KIAA1549L: variants seen among roughly 807,000 people sequenced by gnomAD.
KIAA1549L encodes the protein UPF0606 protein KIAA1549L.
A neutral mutation model predicts 160.7 loss-of-function variants in KIAA1549L; 88 were observed. The ratio of observed to expected loss-of-function variants is 0.55; its 90% confidence interval spans 0.46 to 0.65. The LOEUF (loss-of-function observed/expected upper bound fraction) is 0.65. Ranked by LOEUF, KIAA1549L falls within the 30% of genes least tolerant of loss-of-function variation. The pLI, the probability that KIAA1549L is intolerant of heterozygous loss-of-function variation, is 0.00. For synonymous variants in KIAA1549L, 950 were observed against 976.7 expected (o/e 0.97, Z 0.51); for missense variants, 2,258 against 2,437.5 (o/e 0.93, Z 1.55).
intron 1 of KIAA1549L, among the ~76,000 whole-genome samples, chr11:33,538,205 C>T (rs1010679948): frequency 6.6e-5 from 10 of 152,164 alleles, no homozygotes; most frequent in African/African-American, 9.6e-5. Context: ...CTGAGAACAG[C>T]GTGGAGGAAA....
At chr11:33,568,699 C>T (rs1855140958) in intron 9 of KIAA1549L, among the ~76,000 whole-genome samples, 1 of 152,182 alleles carries the variant, frequency 6.6e-6, no homozygotes, top group African/African-American at 2.4e-5. Flanking sequence ...ACCCTCCAAG[C>T]TTATAGTGGA....
chr11:33,618,086 G>A (rs1235727916), intron 15 of KIAA1549L, among the ~76,000 whole-genome samples: 2 of 152,236 alleles, frequency 1.3e-5, no homozygotes, highest in Non-Finnish European at 2.9e-5. Flanking sequence ...CAGCCCACTA[G>A]CTACAGGGTT....
At chr11:33,650,753 C>T (rs926200867) in intron 17 of KIAA1549L, among the ~76,000 whole-genome samples, 8 of 152,206 alleles carry the variant, frequency 5.3e-5, no homozygotes, top group East Asian at 1.9e-4. Flanking sequence ...TGCACACACA[C>T]GCACCTGCCC....
At chr11:33,633,877 C>T (rs1302714731) in intron 16 of KIAA1549L, among the ~76,000 whole-genome samples, 1 of 152,108 alleles carries the variant, frequency 6.6e-6, no homozygotes, top group Non-Finnish European at 1.5e-5. Flanking sequence ...ATGGGGATAC[C>T]AGTGGTACCT....
intron 1 of KIAA1549L, among the ~76,000 whole-genome samples, chr11:33,505,437 C>T (rs554493856): frequency 1.3e-5 from 2 of 152,310 alleles, no homozygotes; most frequent in Admixed American, 6.5e-5. Context: ...GCCAAGACAA[C>T]GTTTCTCTTC....
intron 4 of KIAA1549L, among the ~76,000 whole-genome samples, chr11:33,549,623 C>T (rs1854387975): frequency 1.3e-5 from 2 of 152,208 alleles, no homozygotes; most frequent in African/African-American, 4.8e-5. Context: ...GAAGCAAAGG[C>T]ACACCCATCC....
intron 10 of KIAA1549L, 43 bp from the exon 11 acceptor site, chr11:33,583,295 C>T: frequency 6.4e-7 from 1 of 1,561,874 alleles, no homozygotes; most frequent in East Asian, 2.3e-5. Flanking sequence ...TTCCTCTTCC[C>T]AGTGTTGCTT....
chr11:33,657,650 A>G (rs1162923113), intron 18 of KIAA1549L, among the ~76,000 whole-genome samples: 1 of 152,136 alleles, frequency 6.6e-6, no homozygotes, highest in Non-Finnish European at 1.5e-5. Flanking sequence ...TACAAAAATT[A>G]GGTGGGCGTA....
At position 33,533,223 on chromosome 11, in the gene KIAA1549L, C is replaced by T. The variant is rs544370280; in HGVS notation, c.239-8579C>T. 1.9e-4 allele frequency among the ~76,000 whole-genome samples: 29 copies of T among 152,178 alleles called. 1 individual carries two copies. The highest frequency in any genetic ancestry group is 1.2e-3 in the Admixed American group (18 of 15,286). On this transcript the variant is annotated intron_variant, in intron 1 of 20. Transcript: ENST00000658780. ...ATTAGAGTGTAGCAGCATCACAGCC[C>T]GGGTCTGAGTCTTGTGTACAAGAAC...
At chr11:33,434,349 C>T (rs1414781036) in intron 1 of KIAA1549L, among the ~76,000 whole-genome samples, 3 of 152,170 alleles carry the variant, frequency 2.0e-5, no homozygotes, top group African/African-American at 4.8e-5. Context: ...CTTTGCCTTC[C>T]ACCATATTGT....
chr11:33,554,786 G>A (rs547842699), intron 6 of KIAA1549L, among the ~76,000 whole-genome samples: 3 of 152,298 alleles, frequency 2.0e-5, no homozygotes, highest in South Asian at 4.1e-4. Flanking sequence ...GAGGAGAAAT[G>A]GTTCCCTGAG....
At chr11:33,466,547 G>A (rs188762123) in intron 1 of KIAA1549L, among the ~76,000 whole-genome samples, 8 of 152,298 alleles carry the variant, frequency 5.3e-5, no homozygotes, top group African/African-American at 1.9e-4. Context: ...AACCATTGTG[G>A]AAGACAGTGT....
intron 10 of KIAA1549L, among the ~76,000 whole-genome samples, chr11:33,575,242 G>A (rs1450390717): frequency 1.3e-5 from 2 of 152,242 alleles, no homozygotes; most frequent in African/African-American, 2.4e-5. Context: ...AGTGCTGGAG[G>A]ATGTATGGAA....
chr11:33,519,705 G>T (rs1053945662), intron 1 of KIAA1549L, among the ~76,000 whole-genome samples: 1 of 152,032 alleles, frequency 6.6e-6, no homozygotes, highest in Admixed American at 6.6e-5. Context: ...TCTTTAGAGG[G>T]GGGTACATCA....
chr11:33,526,699 C>A (rs1055750058), intron 1 of KIAA1549L, among the ~76,000 whole-genome samples: 2 of 152,156 alleles, frequency 1.3e-5, no homozygotes, highest in African/African-American at 2.4e-5. Flanking sequence ...AAACTGTCTA[C>A]CCAAATAAGA....
chr11:33,561,852 C>T, intron 8 of KIAA1549L, 117 bp downstream of exon 8: 1 of 725,436 alleles, frequency 1.4e-6, no homozygotes, highest in African/African-American at 1.8e-5. Flanking sequence ...TCTTATAAGT[C>T]AGGAAGTTAC....
chr11:33,585,921 A>C (rs192897302), intron 11 of KIAA1549L, among the ~76,000 whole-genome samples: 1 of 152,290 alleles, frequency 6.6e-6, no homozygotes, highest in African/African-American at 2.4e-5. Context: ...TGTGCGGTGG[A>C]GCTGGTTGTT....
chr11:33,485,968 G>C (rs1439810790), intron 1 of KIAA1549L, among the ~76,000 whole-genome samples: 1 of 152,048 alleles, frequency 6.6e-6, no homozygotes, highest in South Asian at 2.1e-4. Flanking sequence ...CATTTTTAAG[G>C]CTGAATAGTA....
At position 33,376,189 on chromosome 11, in the gene KIAA1549L, CAGCGAGGAGCGAGG is replaced by C. The variant is rs1002349719; in HGVS notation, c.-452_-439del. ...GGAGCCGGGGCTGGAACCCGAAGCC[CAGCGAGGAGCGAGG>C]AGCGAGGAGCCAGGACAGCGGGGCG... On this transcript the variant is annotated 5_prime_UTR_variant, in exon 1 of 21. Transcript: ENST00000658780. This position sits in a 1 kb window ranked among gnomAD's most constrained non-coding sequence, Gnocchi z 5.8. Among the ~76,000 whole-genome samples, 1 of 149,612 alleles carries C rather than the reference CAGCGAGGAGCGAGG, an allele frequency of 6.7e-6. No homozygotes were observed. The highest frequency in any genetic ancestry group is 1.5e-5 in the Non-Finnish European group (1 of 67,036).
Sources: allele counts gnomAD v4.1 joint callset (sites outside exome capture counted in the v4.1 genomes callset), GRCh38; gene constraint gnomAD v4.1.1; non-coding constraint Gnocchi (gnomAD v3.1); transcripts MANE v1.5; gene names NCBI Gene and HGNC (gene_info 2026-07-23, HGNC 2026-07-21).